GRIK2: variants seen among roughly 807,000 people sequenced by gnomAD.
The protein encoded by GRIK2 is glutamate receptor ionotropic, kainate 2.
A neutral mutation model predicts 100.3 loss-of-function variants in GRIK2; 32 were observed. The ratio of observed to expected loss-of-function variants is 0.32; its 90% CI spans 0.24 to 0.43. The LOEUF (loss-of-function observed/expected upper bound fraction) is 0.43, where lower values mean the gene tolerates loss of function less well. Ranked by LOEUF, GRIK2 falls within the 20% of genes least tolerant of loss-of-function variation. GRIK2 has a pLI of 1.00. For synonymous variants in GRIK2, 417 were observed against 389.4 expected (o/e 1.07, Z -0.83); for missense variants, 843 against 1,114.9 (o/e 0.76, Z 3.47).
intron 4 of GRIK2, among the ~76,000 whole-genome samples, chr6:101,669,132 G>A (rs781728079): frequency 3.3e-5 from 5 of 152,148 alleles, no homozygotes; most frequent in Non-Finnish European, 5.9e-5. Flanking sequence ...GAGCCCATCT[G>A]TGCAGATTGT....
In GRIK2 at chr6:102,068,553, T is replaced by C. The variant is rs1193065613; in HGVS notation, c.*42T>C. On this transcript the variant is annotated 3_prime_UTR_variant, in exon 17 of 17. Transcript: ENST00000369134. ...ACCCAAGCACAAACTGTCGTCTTTT[T>C]CCAAACAATTTAGCCAGAATGTTTC... The C allele has an allele frequency of 1.9e-6, 3 of 1,572,386 alleles. No homozygotes were observed. The highest frequency in any genetic ancestry group is 1.4e-5 in the African/African-American group (1 of 73,234).
In GRIK2 at chr6:101,926,925, T is replaced by G. The variant is rs182411460; in HGVS notation, c.1868-1490T>G. On this transcript the variant is annotated intron_variant, in intron 13 of 16. Transcript: ENST00000369134. ...CCAGTCTTGTTTGACTTTATTGGTG[T>G]TGTTGTTTAAACAAAACAAAACAAA... 8.8e-4 allele frequency among the ~76,000 whole-genome samples: 134 copies of G among 152,258 alleles called. 1 individual carries two copies. The East Asian group carries it at 0.019, about 22-fold the overall frequency.
chr6:101,560,519 A>G lies in GRIK2; in HGVS notation c.116-61430A>G, dbSNP rs1006167484. On this transcript the variant is annotated intron_variant, in intron 2 of 16. Coordinates refer to ENST00000369134, the MANE Select transcript of GRIK2 (RefSeq NM_021956.5). ...ATTTATTCCAGTCTTGCCATCTTAC[A>G]ACTTGGTTTGGTTATCATTTGGAAG... 1.4e-4 allele frequency among the ~76,000 whole-genome samples: 22 copies of G among 152,096 alleles called. No homozygotes were observed. The East Asian group carries it at 2.1e-3, about 15-fold the overall frequency.
At chr6:101,559,886 G>A (rs1171636218) in intron 2 of GRIK2, among the ~76,000 whole-genome samples, 4 of 152,072 alleles carry the variant, frequency 2.6e-5, no homozygotes, top group African/African-American at 9.7e-5. Flanking sequence ...ACAAGTTGTG[G>A]GGTGATATGA....
intron 14 of GRIK2, among the ~76,000 whole-genome samples, chr6:102,001,270 TG>T (rs1219944559): frequency 6.6e-6 from 1 of 151,718 alleles, no homozygotes; most frequent in Non-Finnish European, 1.5e-5. Context: ...ACATGTGCCA[TG>T]GTGGTTTGCT....
chr6:101,922,049 C>T (rs993546999), intron 12 of GRIK2, among the ~76,000 whole-genome samples: 1 of 151,360 alleles, frequency 6.6e-6, no homozygotes, highest in Non-Finnish European at 1.5e-5. Context: ...TCAGTGTTCC[C>T]AGATTCTTCC....
intron 2 of GRIK2, chr6:101,620,124 A>G (rs575125829): frequency 2.3e-5 from 5 of 218,006 alleles, no homozygotes; most frequent in Non-Finnish European, 3.1e-5. Context: ...GGTTTTAAGC[A>G]ACTGCCCAAA....
At chr6:101,865,458 C>T (rs1002866771) in intron 11 of GRIK2, among the ~76,000 whole-genome samples, 1 of 152,134 alleles carries the variant, frequency 6.6e-6, no homozygotes, top group African/African-American at 2.4e-5. Context: ...CAGGTATTAT[C>T]ACAAAAATGG....
At chr6:101,732,303 G>C (rs1483316597) in intron 7 of GRIK2, among the ~76,000 whole-genome samples, 2 of 151,976 alleles carry the variant, frequency 1.3e-5, no homozygotes, top group Admixed American at 6.6e-5. Context: ...TAATGATAGA[G>C]TTCCTGGGTA....
chr6:101,719,602 A>G lies in GRIK2; in HGVS notation c.951+33249A>G, dbSNP rs974951993. On this transcript the variant is annotated intron_variant, in intron 7 of 16. Coordinates refer to ENST00000369134, the MANE Select transcript of GRIK2 (RefSeq NM_021956.5). ...TGGAGTTCAGTGGGCAGTTAGATGC[A>G]CTAATGGCACTGCTGTGCTGGGAAA... 2.6e-5 allele frequency among the ~76,000 whole-genome samples: 4 copies of G among 151,936 alleles called. No individual in the cohort carries two copies. In the East Asian group the frequency reaches 7.7e-4, roughly 29 times the overall value.
chr6:101,669,001 TA>T (rs565269527), intron 4 of GRIK2, among the ~76,000 whole-genome samples: 4 of 151,146 alleles, frequency 2.6e-5, no homozygotes, highest in Admixed American at 6.6e-5. Context: ...AGAAAAAGGT[TA>T]AAAAAAAATA....
At chr6:101,713,971 A>G (rs1399881274) in intron 7 of GRIK2, among the ~76,000 whole-genome samples, 2 of 151,796 alleles carry the variant, frequency 1.3e-5, no homozygotes, top group African/African-American at 4.8e-5. Context: ...TAAAATTAGA[A>G]CACTTTTTAT....
At chr6:101,594,586 G>A (rs1778819947) in intron 2 of GRIK2, among the ~76,000 whole-genome samples, 1 of 151,724 alleles carries the variant, frequency 6.6e-6, no homozygotes, top group Non-Finnish European at 1.5e-5. Context: ...AACAAAATGA[G>A]TATAGAGTTT....
chr6:102,038,361 G>A (rs1770384773), intron 15 of GRIK2, among the ~76,000 whole-genome samples: 1 of 151,350 alleles, frequency 6.6e-6, no homozygotes. Context: ...ATTTCTGAAA[G>A]GAGTGAGACT....
chr6:101,510,509 A>AG (rs1774244308), intron 2 of GRIK2, among the ~76,000 whole-genome samples: 1 of 61,646 alleles, frequency 1.6e-5, no homozygotes, highest in Non-Finnish European at 3.1e-5. Context: ...CCAGTTGGGG[A>AG]GTTTTTTTTT....
chr6:101,458,485 C>G (rs1320378956), intron 2 of GRIK2, among the ~76,000 whole-genome samples: 1 of 152,216 alleles, frequency 6.6e-6, no homozygotes, highest in Non-Finnish European at 1.5e-5. Flanking sequence ...AGGGCTGGGG[C>G]TGTCCCAGCC....
chr6:101,421,306 G>C (rs947422246), intron 2 of GRIK2, among the ~76,000 whole-genome samples: 6 of 152,158 alleles, frequency 3.9e-5, no homozygotes, highest in Non-Finnish European at 7.3e-5. Flanking sequence ...TGTAAGCTAC[G>C]CAGCATGACA....
intron 5 of GRIK2, 132 bp from the exon 6 acceptor site, chr6:101,682,421 C>T: frequency 1.6e-6 from 1 of 624,714 alleles, no homozygotes; most frequent in East Asian, 2.9e-5. Flanking sequence ...TTTAGTTTAA[C>T]CTAATTGTAT....
chr6:101,432,750 T>G (rs1769478761), intron 2 of GRIK2, among the ~76,000 whole-genome samples: 1 of 152,152 alleles, frequency 6.6e-6, no homozygotes, highest in Non-Finnish European at 1.5e-5. Flanking sequence ...CACACAAGAA[T>G]AGGATTAAAG....
Sources: gnomAD v4.1 joint callset for allele counts (sites outside exome capture counted in the v4.1 genomes callset) on GRCh38, gnomAD v4.1.1 for gene constraint, MANE v1.5 for transcripts, NCBI Gene and HGNC (gene_info 2026-07-23, HGNC 2026-07-21) for gene names.